The following MACF1 variants were observed in gnomAD, a reference collection of about 807,000 sequenced individuals.
MACF1 encodes microtubule actin crosslinking factor 1, also known as microtubule-actin cross-linking factor 1.
Under a neutral mutation model 854.8 loss-of-function variants are expected in MACF1, and 193 were observed. The ratio of observed to expected loss-of-function variants is 0.23; its 90% CI spans 0.20 to 0.25. The LOEUF (loss-of-function observed/expected upper bound fraction) is 0.25, where lower values mean the gene tolerates loss of function less well. Ranked by LOEUF, MACF1 falls within the 10% of genes least tolerant of loss-of-function variation. MACF1 has a pLI of 1.00. For synonymous variants in MACF1, 3,185 were observed against 3,226.7 expected (o/e 0.99, Z 0.44); for missense variants, 7,722 against 8,929.1 (o/e 0.86, Z 5.45).
intron 31 of MACF1, among the ~76,000 whole-genome samples, chr1:39,321,183 G>A (rs1646509354): frequency 6.6e-6 from 1 of 152,150 alleles, no homozygotes; most frequent in African/African-American, 2.4e-5. Context: ...AACACTCACT[G>A]TAAGAAAGAA....
chr1:39,209,963 G>A (rs926378277), intron 1 of MACF1, among the ~76,000 whole-genome samples: 7 of 151,930 alleles, frequency 4.6e-5, no homozygotes, highest in Admixed American at 1.3e-4. Context: ...GGTGGTGTGC[G>A]CCTGTAATCC....
At chr1:39,403,714 A>G (rs1259396936) in intron 58 of MACF1, among the ~76,000 whole-genome samples, 1 of 152,058 alleles carries the variant, frequency 6.6e-6, no homozygotes, top group Non-Finnish European at 1.5e-5. Flanking sequence ...TAGGTGTATT[A>G]TTCTGAACAA....
rs1442304328 is a variant in MACF1, at chr1:39,388,122, G to A, written c.15280G>A (p.Glu5094Lys). 1 of 1,614,136 alleles carries A rather than the reference G, an allele frequency of 6.2e-7. No individual in the cohort carries two copies. Among genetic ancestry groups the A allele is most frequent in the South Asian group, 1.1e-5 (1 of 91,072 alleles). Residue 5094 changes from glutamate (E) to lysine (K), a missense_variant, in exon 58 of 101, where the codon GAG becomes AAG. Glu to Lys is a moderately conservative substitution (Grantham distance 56). This residue lies in a region of MACF1 where 2,807 missense variants were observed against 3,235.8 expected (regional missense o/e 0.87). Coordinates refer to ENST00000564288, the MANE Select transcript of MACF1 (RefSeq NM_001394062.1). ...TGCTTCTCAACTTCTCCACCAAGCT[G>A]AGGTCGCCCAGCAAGAGTTCCTCGA... ...SDASQLLHQA[E>K]VAQQEFLEVK... is the part of the protein sequence containing the mutation.
At chr1:39,343,777 G>T (rs1413300665) in intron 40 of MACF1, among the ~76,000 whole-genome samples, 7 of 152,162 alleles carry the variant, frequency 4.6e-5, no homozygotes, top group Non-Finnish European at 1.0e-4. Flanking sequence ...CATAAGGCAG[G>T]GGGAGAGACT....
At chr1:39,410,918 A>T in intron 58 of MACF1, 1 of 1,614,010 alleles carries the variant, frequency 6.2e-7, no homozygotes, top group South Asian at 1.1e-5. Flanking sequence ...GACTGCCAGG[A>T]CTTTAGATTT....
chr1:39,413,466 C>CTTT, intron 58 of MACF1: 1 of 395,204 alleles, frequency 2.5e-6, no homozygotes. Flanking sequence ...AGCCCACCTC[C>CTTT]CCAGCTGCTG....
At chr1:39,169,491 G>C (rs919904435) in intron 2 of MACF1, among the ~76,000 whole-genome samples, 7 of 151,636 alleles carry the variant, frequency 4.6e-5, no homozygotes, top group African/African-American at 1.7e-4. Flanking sequence ...TGTAGTCCCA[G>C]CTACTCAGGA....
rs147880640 is a variant in MACF1, at chr1:39,334,895, C to G, written c.8307C>G (p.His2769Gln). 4.4e-5 allele frequency: 71 copies of G among 1,614,030 alleles called. No homozygotes were observed. The highest frequency in any genetic ancestry group is 6.8e-6 in the Non-Finnish European group (8 of 1,180,012). The stretch of plus-strand genomic sequence containing the variant: ...TAGATAGTTCAGAGTTCAGCGATCA[C>G]AGGGCTCAGATTGAAAAGCAAGAAG... ...IQIDSSEFSD[H>Q]RAQIEKQEGI... The change falls in exon 37 of 101, where the codon CAC becomes CAG. Residue 2769 changes from histidine to glutamine, a missense_variant. By Grantham distance (24) the His-to-Gln change is conservative (BLOSUM62 0). Coordinates refer to ENST00000564288, the MANE Select transcript of MACF1 (RefSeq NM_001394062.1).
intron 2 of MACF1, among the ~76,000 whole-genome samples, chr1:39,170,377 G>A (rs541665085): frequency 1.3e-5 from 2 of 152,222 alleles, no homozygotes; most frequent in African/African-American, 4.8e-5. Flanking sequence ...GGTGACCAAA[G>A]CCAATCACTC....
chr1:39,434,640 G>T lies in MACF1; in HGVS notation c.17784+8G>T, dbSNP rs765788791. The T allele has an allele frequency of 6.8e-6, 11 of 1,610,570 alleles. No individual in the cohort carries two copies. Among genetic ancestry groups the T allele is most frequent in the Middle Eastern group, 1.7e-4 (1 of 6,018 alleles). The stretch of plus-strand genomic sequence containing the variant: ...CAACAAGAGGAAATGAGGGTAAGGA[G>T]CATGCCAAGTTTCATTTTATTGTTC... On this transcript the variant is annotated splice_region_variant and intron_variant, in intron 69 of 100. Coordinates refer to ENST00000564288, the MANE Select transcript of MACF1 (RefSeq NM_001394062.1).
At position 39,430,047 on chromosome 1, in the gene MACF1, C is replaced by T. The variant is rs763231239; in HGVS notation, c.17109C>T (p.Pro5703=). The change falls in exon 65 of 101, where the codon CCC becomes CCT. Residue 5703 remains proline, a synonymous_variant. Coordinates refer to ENST00000564288, the MANE Select transcript of MACF1 (RefSeq NM_001394062.1). ...AGTCTCCCACAGGGGAACAGATACCCCAGTTTCAGCAGAGACAGAAGGTGA... is the reference window on the plus strand; with the variant it reads ...AGTCTCCCACAGGGGAACAGATACCTCAGTTTCAGCAGAGACAGAAGGTGA... ...GGQSPTGEQI[P]QFQQRQKELK... The T allele has an allele frequency of 5.0e-6, 8 of 1,613,636 alleles. No individual in the cohort carries two copies. The East Asian group carries it at 1.6e-4, about 31-fold the overall frequency.
chr1:39,432,031 G>A (rs552937631), intron 66 of MACF1, among the ~76,000 whole-genome samples: 35 of 152,290 alleles, frequency 2.3e-4, no homozygotes, highest in Admixed American at 5.2e-4. Context: ...TAACAGTCAC[G>A]TAGAACATGT....
rs1209133662 is a variant in MACF1 at position 39,422,829 on chromosome 1, G to A, written c.16078G>A (p.Glu5360Lys). Residue 5360 changes from glutamate (E) to lysine (K), a missense_variant, in exon 60 of 101, where the codon GAG becomes AAG. This residue lies in a region of MACF1 where 2,807 missense variants were observed against 3,235.8 expected (regional missense o/e 0.87). Coordinates refer to ENST00000564288, the MANE Select transcript of MACF1 (RefSeq NM_001394062.1). ...GCTCAGCTGGTTGGCAGATACCGAGGAGCTCATAGCCAATCAGAAACCTCC... is the reference window on the plus strand; with the variant it reads ...GCTCAGCTGGTTGGCAGATACCGAGAAGCTCATAGCCAATCAGAAACCTCC... ...PLLSWLADTE[E>K]LIANQKPPSA... 1 of 1,614,154 alleles carries A rather than the reference G, an allele frequency of 6.2e-7. No homozygotes were observed. The highest frequency in any genetic ancestry group is 1.1e-5 in the South Asian group (1 of 91,082).
chr1:39,426,561 C>G (rs576429653), intron 61 of MACF1, among the ~76,000 whole-genome samples: 37 of 152,284 alleles, frequency 2.4e-4, no homozygotes, highest in Non-Finnish European at 5.4e-4. Context: ...CTCCAATATC[C>G]AGACTTCCTC....
At chr1:39,117,043 C>T (rs1642566101) in intron 2 of MACF1, among the ~76,000 whole-genome samples, 1 of 152,136 alleles carries the variant, frequency 6.6e-6, no homozygotes, top group Non-Finnish European at 1.5e-5. Flanking sequence ...AATGCAGCCT[C>T]CTTCTTGTTT....
At chr1:39,156,138 G>A (rs987076499) in intron 2 of MACF1, among the ~76,000 whole-genome samples, 1 of 152,032 alleles carries the variant, frequency 6.6e-6, no homozygotes, top group Admixed American at 6.5e-5. Flanking sequence ...GCCTCCCAAA[G>A]TGCTGGGATT....
intron 79 of MACF1, 68 bp downstream of exon 79, chr1:39,443,642 T>A (rs1048258456): frequency 6.9e-7 from 1 of 1,451,748 alleles, no homozygotes; most frequent in Non-Finnish European, 9.3e-7. Context: ...AAGTTCACAG[T>A]CATAATTAAT....
chr1:39,460,660 A>G lies in MACF1; in HGVS notation c.21389A>G (p.Asp7130Gly). The G allele has an allele frequency of 6.2e-7, 1 of 1,614,144 alleles. No homozygotes were observed. Residue 7130 changes from aspartate to glycine, a missense_variant, in exon 92 of 101, where the codon GAT becomes GGT. Physicochemically the swap from Asp to Gly is moderately conservative, Grantham distance 94. Around this residue, in one of 15 missense-constraint regions of MACF1, gnomAD observed 153 missense variants for 342.5 expected, o/e 0.45. Coordinates refer to ENST00000564288, the MANE Select transcript of MACF1 (RefSeq NM_001394062.1). This position sits in a 1 kb window ranked among gnomAD's most constrained non-coding sequence, Gnocchi z 4.1. ...AAAGAATTTGCCAACTTTGACTTTGATGTCTGGAGGAAAAAGTATATGCGT... is the reference window on the plus strand; with the variant it reads ...AAAGAATTTGCCAACTTTGACTTTGGTGTCTGGAGGAAAAAGTATATGCGT... ...ELKEFANFDF[D>G]VWRKKYMRWM...
At chr1:39,196,731 A>G (rs1042395422) in intron 2 of MACF1, among the ~76,000 whole-genome samples, 2 of 152,212 alleles carry the variant, frequency 1.3e-5, no homozygotes, top group Non-Finnish European at 2.9e-5. Context: ...GCTTGTGGAT[A>G]TCAATTATTT....
Sources: gnomAD v4.1 joint callset for allele counts (sites outside exome capture counted in the v4.1 genomes callset) on GRCh38, gnomAD v4.1.1 for gene constraint, gnomAD v4.1.1 regional missense constraint, Gnocchi (gnomAD v3.1) non-coding constraint, MANE v1.5 for transcripts, NCBI Gene and HGNC (gene_info 2026-07-23, HGNC 2026-07-21) for gene names.